Variants in CDIN1 observed in about 807,000 individuals in gnomAD.
The protein encoded by CDIN1 is CDAN1-interacting nuclease 1.
CDIN1 carries 33 observed loss-of-function variants against 45.3 expected under a neutral mutation model. The observed-to-expected ratio is 0.73, with a 90% CI of 0.55 to 0.97. The LOEUF (loss-of-function observed/expected upper bound fraction) is 0.97. Ranked by LOEUF, CDIN1 falls within the 50% of genes least tolerant of loss-of-function variation. The pLI, the probability that CDIN1 is intolerant of heterozygous loss-of-function variation, is 0.00. For missense variants in CDIN1, 303 were observed against 339.4 expected, an observed-to-expected ratio of 0.89 and a Z score of 0.84; for synonymous variants, 118 against 124.4, an observed-to-expected ratio of 0.95 and a Z score of 0.34.
intron 10 of CDIN1, among the ~76,000 whole-genome samples, chr15:36,759,635 G>C (rs2053704925): frequency 1.3e-5 from 2 of 152,038 alleles, no homozygotes; most frequent in Non-Finnish European, 2.9e-5. Flanking sequence ...GTTAACAATA[G>C]TCTGTTCTTA....
At chr15:36,609,261 C>G (rs560576131) in intron 1 of CDIN1, among the ~76,000 whole-genome samples, 26 of 152,312 alleles carry the variant, frequency 1.7e-4, no homozygotes, top group African/African-American at 6.0e-4. Context: ...AGGGATCCTC[C>G]TACCTTGGCC....
chr15:36,657,965 T>G, intron 5 of CDIN1, 60 bp downstream of exon 5: 1 of 1,381,104 alleles, frequency 7.2e-7, no homozygotes, highest in Non-Finnish European at 1.0e-6. Flanking sequence ...TTAAAAATAA[T>G]TTACACAGCA....
At chr15:36,773,151 T>A (rs2054122634) in intron 10 of CDIN1, among the ~76,000 whole-genome samples, 1 of 152,126 alleles carries the variant, frequency 6.6e-6, no homozygotes, top group African/African-American at 2.4e-5. Flanking sequence ...GCTATATGGG[T>A]CTAGTGATCT....
At chr15:36,699,464 G>A (rs1401769028) in intron 8 of CDIN1, among the ~76,000 whole-genome samples, 2 of 152,106 alleles carry the variant, frequency 1.3e-5, no homozygotes, top group Non-Finnish European at 2.9e-5. Flanking sequence ...GAATTTTGTT[G>A]CAGAGATGTT....
intron 10 of CDIN1, among the ~76,000 whole-genome samples, chr15:36,752,504 G>A (rs992857064): frequency 6.6e-6 from 1 of 152,188 alleles, no homozygotes; most frequent in African/African-American, 2.4e-5. Context: ...GCAGGTACAA[G>A]GGATGTGAAT....
chr15:36,697,592 T>G (rs1341939123), intron 8 of CDIN1, among the ~76,000 whole-genome samples: 1 of 152,208 alleles, frequency 6.6e-6, no homozygotes, highest in Non-Finnish European at 1.5e-5. Context: ...ATTAATATTT[T>G]ATAGAATAAG....
chr15:36,701,944 T>G (rs1595492299), intron 8 of CDIN1: 1 of 646,908 alleles, frequency 1.5e-6, no homozygotes, highest in East Asian at 2.7e-5. Context: ...TGCTGCTTTA[T>G]TCCTCACCTG....
Position 36,768,582 on chromosome 15 carries a change from A to C in CDIN1, c.717-39742A>C, listed in dbSNP as rs576529191. Among the ~76,000 whole-genome samples, 461 of 152,216 alleles carry C rather than the reference A, an allele frequency of 3.0e-3. 1 individual carries two copies. Among genetic ancestry groups the C allele is most frequent in the Admixed American group, 4.3e-3 (66 of 15,298 alleles). ...AGTTTCATTTGGGAAGCCAAATCTG[A>C]GGTGTATCAGGCTGCCTTTACGCAG... On this transcript the variant is annotated intron_variant, in intron 10 of 10. Transcript: ENST00000566621.
intron 10 of CDIN1, among the ~76,000 whole-genome samples, chr15:36,767,047 T>A (rs2053944190): frequency 6.6e-6 from 1 of 152,202 alleles, no homozygotes; most frequent in Non-Finnish European, 1.5e-5. Flanking sequence ...CTATGCTTTC[T>A]TCTAAGGGTT....
chr15:36,691,866 C>T, intron 6 of CDIN1, 102 bp downstream of exon 6: 1 of 976,918 alleles, frequency 1.0e-6, no homozygotes, highest in Non-Finnish European at 1.6e-6. Flanking sequence ...TAAACTATCA[C>T]TGAGGTCAGG....
intron 10 of CDIN1, among the ~76,000 whole-genome samples, chr15:36,781,724 C>T (rs982531801): frequency 2.6e-5 from 4 of 152,190 alleles, no homozygotes; most frequent in African/African-American, 7.2e-5. Flanking sequence ...GCCATGATGC[C>T]GCAGTGAGAT....
chr15:36,661,874 A>T (rs1324245661), intron 5 of CDIN1, among the ~76,000 whole-genome samples: 1 of 152,200 alleles, frequency 6.6e-6, no homozygotes, highest in Non-Finnish European at 1.5e-5. Flanking sequence ...AGTAGACATG[A>T]TAATGGAAAT....
At chr15:36,598,798 C>A (rs1297703380) in intron 1 of CDIN1, among the ~76,000 whole-genome samples, 1 of 151,636 alleles carries the variant, frequency 6.6e-6, no homozygotes, top group Non-Finnish European at 1.5e-5. Context: ...TGAATATTAG[C>A]TTTAGTGAGT....
At chr15:36,686,200 C>T (rs1364864003) in intron 5 of CDIN1, among the ~76,000 whole-genome samples, 2 of 151,748 alleles carry the variant, frequency 1.3e-5, no homozygotes, top group Non-Finnish European at 2.9e-5. Flanking sequence ...GAAAATGTGG[C>T]ACATATACAC....
intron 1 of CDIN1, among the ~76,000 whole-genome samples, chr15:36,596,271 C>T (rs1475801991): frequency 2.0e-5 from 3 of 151,630 alleles, no homozygotes; most frequent in East Asian, 1.9e-4. Flanking sequence ...TAGGAGGATT[C>T]GACCTGCTGG....
intron 10 of CDIN1, among the ~76,000 whole-genome samples, chr15:36,754,328 G>A (rs2053551363): frequency 1.3e-5 from 2 of 152,076 alleles, no homozygotes; most frequent in African/African-American, 4.8e-5. Flanking sequence ...AGTATGTCCA[G>A]AATTATAAGG....
intron 3 of CDIN1, among the ~76,000 whole-genome samples, chr15:36,651,957 C>T (rs1028104259): frequency 1.3e-5 from 2 of 152,212 alleles, no homozygotes; most frequent in African/African-American, 4.8e-5. Context: ...ATTGATGCAA[C>T]TTTTACATGA....
intron 5 of CDIN1, chr15:36,691,174 T>G (rs2042237310): frequency 3.9e-6 from 2 of 518,636 alleles, no homozygotes; most frequent in African/African-American, 3.9e-5. Flanking sequence ...AGAATTATTT[T>G]GGAAAGGTTT....
chr15:36,776,543 T>G (rs1255802046), intron 10 of CDIN1, among the ~76,000 whole-genome samples: 1 of 152,232 alleles, frequency 6.6e-6, no homozygotes, highest in Non-Finnish European at 1.5e-5. Flanking sequence ...TTGGTAATCA[T>G]GCACAGGCTG....
Sources: allele counts gnomAD v4.1 joint callset (sites outside exome capture counted in the v4.1 genomes callset), GRCh38; gene constraint gnomAD v4.1.1; transcripts MANE v1.5; gene names NCBI Gene and HGNC (gene_info 2026-07-23, HGNC 2026-07-21).